RABGAP1L: variants seen among roughly 807,000 people sequenced by gnomAD.
RABGAP1L encodes the protein rab GTPase-activating protein 1-like.
Under a neutral mutation model 137.7 loss-of-function variants are expected in RABGAP1L, and 63 were observed. That is an observed-to-expected ratio of 0.46 (90% confidence interval 0.37 to 0.56). The LOEUF (loss-of-function observed/expected upper bound fraction) is 0.56. Ranked by LOEUF, RABGAP1L falls within the 20% of genes least tolerant of loss-of-function variation. The pLI, the probability that RABGAP1L is intolerant of heterozygous loss-of-function variation, is 0.00. For missense variants in RABGAP1L, 1,095 were observed against 1,244.0 expected, an observed-to-expected ratio of 0.88 and a Z score of 1.80; for synonymous variants, 431 against 433.7, an observed-to-expected ratio of 0.99 and a Z score of 0.08.
rs1651085294 is a variant in RABGAP1L at position 174,420,189 on chromosome 1, G to A, written c.1710+26044G>A. On this transcript the variant is annotated intron_variant, in intron 13 of 25. Transcript: ENST00000681986. ...AACACAGAGTTTAAGGTTCTTGGAG[G>A]CCCAACCTCCTTTTTTTTTTTTTTT... 2.7e-5 allele frequency among the ~76,000 whole-genome samples: 4 copies of A among 146,026 alleles called. No individual in the cohort carries two copies. The South Asian group carries it at 6.4e-4, about 23-fold the overall frequency.
chr1:174,284,137 C>G (rs1052180256), intron 10 of RABGAP1L, among the ~76,000 whole-genome samples: 4 of 152,116 alleles, frequency 2.6e-5, no homozygotes, highest in Non-Finnish European at 5.9e-5. Context: ...TTAAGATCTA[C>G]TACTGTCTTA....
At chr1:174,721,348 C>T (rs185671771) in intron 17 of RABGAP1L, among the ~76,000 whole-genome samples, 4 of 152,090 alleles carry the variant, frequency 2.6e-5, no homozygotes, top group East Asian at 1.9e-4. Flanking sequence ...AATAATTCAA[C>T]GTAATGAATT....
At chr1:174,551,376 A>G (rs1315382874) in intron 13 of RABGAP1L, among the ~76,000 whole-genome samples, 3 of 152,168 alleles carry the variant, frequency 2.0e-5, no homozygotes, top group Non-Finnish European at 4.4e-5. Context: ...GATTCAAAGT[A>G]GAAATCAGTA....
chr1:174,986,005 C>A lies in RABGAP1L; in HGVS notation c.2806-2636C>A, dbSNP rs1027738130. Among the ~76,000 whole-genome samples, 42 of 152,124 alleles carry A rather than the reference C, an allele frequency of 2.8e-4. 1 individual carries two copies. The highest frequency in any genetic ancestry group is 1.0e-3 in the African/African-American group (42 of 41,498). On this transcript the variant is annotated intron_variant, in intron 24 of 25. Transcript: ENST00000681986. ...CCAGGCTGGAGTGCAATGGCACAAT[C>A]TTGGCTCACTGCAACTTCTGCCTCC...
chr1:174,710,378 G>C (rs1398303137), intron 17 of RABGAP1L, among the ~76,000 whole-genome samples: 1 of 152,148 alleles, frequency 6.6e-6, no homozygotes, highest in Non-Finnish European at 1.5e-5. Flanking sequence ...ATAATCATCA[G>C]ATTCACCAAT....
chr1:174,277,105 A>C (rs1449709733), intron 9 of RABGAP1L, among the ~76,000 whole-genome samples: 1 of 152,302 alleles, frequency 6.6e-6, no homozygotes, highest in Middle Eastern at 3.4e-3. Flanking sequence ...GGGCATTAAA[A>C]TGATAATTAT....
At chr1:174,687,063 T>C (rs995004574) in intron 15 of RABGAP1L, among the ~76,000 whole-genome samples, 2 of 152,236 alleles carry the variant, frequency 1.3e-5, no homozygotes, top group African/African-American at 4.8e-5. Context: ...AATATCTCTC[T>C]GAGAAATCTG....
At chr1:174,520,032 A>T (rs6704395) in intron 13 of RABGAP1L, among the ~76,000 whole-genome samples, 1 of 152,228 alleles carries the variant, frequency 6.6e-6, no homozygotes, top group Admixed American at 6.5e-5. Flanking sequence ...GCACCAGCGA[A>T]GTATGAACAC....
intron 15 of RABGAP1L, among the ~76,000 whole-genome samples, chr1:174,696,020 C>T (rs936549564): frequency 6.6e-6 from 1 of 152,170 alleles, no homozygotes; most frequent in African/African-American, 2.4e-5. Context: ...CTAGCCACCA[C>T]AGCTGGGACT....
At chr1:174,933,080 TTACA>T (rs963960883) in intron 19 of RABGAP1L, among the ~76,000 whole-genome samples, 3 of 152,014 alleles carry the variant, frequency 2.0e-5, no homozygotes, top group African/African-American at 4.8e-5. Context: ...ACACACACAC[TTACA>T]TACATACATG....
intron 12 of RABGAP1L, among the ~76,000 whole-genome samples, chr1:174,386,995 TCTCCA>T (rs1333821965): frequency 6.6e-6 from 1 of 152,012 alleles, no homozygotes; most frequent in African/African-American, 2.4e-5. Flanking sequence ...CAAATAGAGA[TCTCCA>T]CTCAGTTTCT....
intron 13 of RABGAP1L, among the ~76,000 whole-genome samples, chr1:174,612,519 T>C (rs1448972038): frequency 6.6e-6 from 1 of 152,204 alleles, no homozygotes; most frequent in Non-Finnish European, 1.5e-5. Context: ...AAAATTCTCT[T>C]TTTTGGTTGT....
intron 13 of RABGAP1L, among the ~76,000 whole-genome samples, chr1:174,537,223 G>C (rs1186366732): frequency 6.6e-6 from 1 of 152,160 alleles, no homozygotes; most frequent in Non-Finnish European, 1.5e-5. Context: ...GGTGGCAGTT[G>C]AATGAGTTGC....
At chr1:174,295,647 G>A (rs1230212064) in intron 10 of RABGAP1L, among the ~76,000 whole-genome samples, 1 of 150,776 alleles carries the variant, frequency 6.6e-6, no homozygotes, top group East Asian at 2.0e-4. Context: ...GCCTCCCAAA[G>A]TGCTGGGATT....
chr1:174,728,459 A>G (rs1228048516), intron 17 of RABGAP1L, among the ~76,000 whole-genome samples: 4 of 152,210 alleles, frequency 2.6e-5, no homozygotes, highest in Non-Finnish European at 5.9e-5. Flanking sequence ...ATGCTGCTAA[A>G]AGAAATCACA....
chr1:174,456,392 A>T (rs1408564598), intron 13 of RABGAP1L, among the ~76,000 whole-genome samples: 1 of 152,094 alleles, frequency 6.6e-6, no homozygotes, highest in African/African-American at 2.4e-5. Flanking sequence ...ATATTCAAGT[A>T]CCTACTTTTG....
At chr1:174,310,155 T>A (rs1275674524) in intron 11 of RABGAP1L, among the ~76,000 whole-genome samples, 1 of 152,178 alleles carries the variant, frequency 6.6e-6, no homozygotes, top group Non-Finnish European at 1.5e-5. Flanking sequence ...AATATAACGG[T>A]CTATAACAGT....
chr1:174,685,146 C>T (rs1355122842), intron 15 of RABGAP1L, among the ~76,000 whole-genome samples: 1 of 152,068 alleles, frequency 6.6e-6, no homozygotes, highest in African/African-American at 2.4e-5. Context: ...AGTTTCCTGG[C>T]TTTGGAGACT....
chr1:174,225,533 T>A (rs1052857145), intron 3 of RABGAP1L, among the ~76,000 whole-genome samples: 1 of 148,000 alleles, frequency 6.8e-6, no homozygotes, highest in African/African-American at 2.5e-5. Context: ...ACATTCCACC[T>A]GGTTGTGTCC....
Sources: gnomAD v4.1 joint callset for allele counts (sites outside exome capture counted in the v4.1 genomes callset) on GRCh38, gnomAD v4.1.1 for gene constraint, MANE v1.5 for transcripts, NCBI Gene and HGNC (gene_info 2026-07-23, HGNC 2026-07-21) for gene names.